TMEM132D: variants seen among roughly 807,000 people sequenced by gnomAD.
The protein encoded by TMEM132D is mature OL transmembrane protein.
A neutral mutation model predicts 62.3 loss-of-function variants in TMEM132D; 21 were observed. That is an observed-to-expected ratio of 0.34 (90% CI 0.24 to 0.49). TMEM132D has a LOEUF of 0.49. Ranked by LOEUF, TMEM132D falls within the 20% of genes least tolerant of loss-of-function variation. The probability of loss-of-function intolerance (pLI) is 0.99; values close to 1 mark genes in which losing one functional copy is unlikely to be tolerated. For synonymous variants in TMEM132D, 621 were observed against 575.6 expected (o/e 1.08, Z -1.13); for missense variants, 1,346 against 1,402.8 (o/e 0.96, Z 0.65).
chr12:129,798,236 G>A (rs143267684), intron 1 of TMEM132D, among the ~76,000 whole-genome samples: 69 of 152,160 alleles, frequency 4.5e-4, no homozygotes, highest in Admixed American at 1.7e-3. Context: ...ATAAATTATC[G>A]TCTAGGTACT....
chr12:129,545,573 T>C (rs1225828863), intron 2 of TMEM132D, among the ~76,000 whole-genome samples: 1 of 152,158 alleles, frequency 6.6e-6, no homozygotes, highest in Admixed American at 6.5e-5. Context: ...AGCTTATGCG[T>C]CTTGCATAAC....
chr12:129,382,562 T>G (rs1237729098), intron 3 of TMEM132D, among the ~76,000 whole-genome samples: 1 of 152,082 alleles, frequency 6.6e-6, no homozygotes, highest in Admixed American at 6.6e-5. Flanking sequence ...CACCATACAG[T>G]CCTAAATCTC....
chr12:129,409,854 A>G (rs1056114075), intron 3 of TMEM132D, among the ~76,000 whole-genome samples: 6 of 152,232 alleles, frequency 3.9e-5, no homozygotes, highest in African/African-American at 1.4e-4. Context: ...TCATGCTTGC[A>G]TGAGAAAGCT....
intron 4 of TMEM132D, among the ~76,000 whole-genome samples, chr12:129,218,665 CA>C (rs1265970710): frequency 6.6e-6 from 1 of 152,180 alleles, no homozygotes; most frequent in African/African-American, 2.4e-5. Context: ...GTGATTAGAT[CA>C]AAGTATATTG....
intron 5 of TMEM132D, among the ~76,000 whole-genome samples, chr12:129,147,411 A>G (rs1876943563): frequency 6.6e-6 from 1 of 151,858 alleles, no homozygotes; most frequent in Admixed American, 6.6e-5. Flanking sequence ...GAGCATAAAA[A>G]TCCTCTTATG....
chr12:129,638,495 A>T (rs1156596391), intron 2 of TMEM132D, among the ~76,000 whole-genome samples: 1 of 108,808 alleles, frequency 9.2e-6, no homozygotes, highest in Admixed American at 1.0e-4. Context: ...GATTTTTTAT[A>T]TATATAAACA....
At chr12:129,719,480 C>T (rs1291773079) in intron 1 of TMEM132D, among the ~76,000 whole-genome samples, 2 of 152,328 alleles carry the variant, frequency 1.3e-5, no homozygotes, top group East Asian at 1.9e-4. Context: ...TCAGTAGCTC[C>T]TGTCTATAAA....
At chr12:129,385,343 T>A (rs2135690038) in intron 3 of TMEM132D, among the ~76,000 whole-genome samples, 1 of 152,156 alleles carries the variant, frequency 6.6e-6, no homozygotes, top group South Asian at 2.1e-4. Flanking sequence ...TGACCCCAGG[T>A]GATCCGCCCA....
intron 1 of TMEM132D, among the ~76,000 whole-genome samples, chr12:129,860,375 T>C (rs1445179138): frequency 1.3e-5 from 2 of 152,224 alleles, no homozygotes; most frequent in African/African-American, 4.8e-5. Context: ...ATTTAGATGT[T>C]AACTTGGAGT....
At chr12:129,727,915 C>T (rs901642945) in intron 1 of TMEM132D, among the ~76,000 whole-genome samples, 3 of 152,178 alleles carry the variant, frequency 2.0e-5, no homozygotes, top group Admixed American at 6.5e-5. Context: ...ACCCTGCATA[C>T]GTTTATACAA....
chr12:129,362,034 A>C lies in TMEM132D; in HGVS notation c.1116-24217T>G, dbSNP rs536424731. On this transcript the variant is annotated intron_variant, in intron 3 of 8. Coordinates refer to ENST00000422113, the MANE Select transcript of TMEM132D (RefSeq NM_133448.3). ...TATTTTTCTGAGAGGTTGCTTCTCC[A>C]ACGCAATCCATACTGGTTTCACTTA... 4.6e-5 allele frequency among the ~76,000 whole-genome samples: 7 copies of C among 152,358 alleles called. No individual in the cohort carries two copies. In the South Asian group the frequency reaches 6.2e-4, roughly 14 times the overall value.
intron 4 of TMEM132D, among the ~76,000 whole-genome samples, chr12:129,234,393 C>T (rs776942486): frequency 3.3e-5 from 5 of 152,212 alleles, no homozygotes; most frequent in Non-Finnish European, 5.9e-5. Context: ...TTGTAGGCTC[C>T]GTAGCAACTG....
chr12:129,531,312 G>A, intron 2 of TMEM132D, 107 bp from the exon 3 acceptor site: 2 of 1,330,140 alleles, frequency 1.5e-6, no homozygotes, highest in Middle Eastern at 2.8e-4. Flanking sequence ...CCTGGCAGGT[G>A]TAAGCTCATG....
chr12:129,713,575 A>T (rs556622056), intron 1 of TMEM132D, among the ~76,000 whole-genome samples: 2 of 152,218 alleles, frequency 1.3e-5, no homozygotes, highest in African/African-American at 4.8e-5. Flanking sequence ...TCTCATCCTC[A>T]CCTTGTGTGT....
chr12:129,572,024 G>A (rs907836997), intron 2 of TMEM132D, among the ~76,000 whole-genome samples: 2 of 152,146 alleles, frequency 1.3e-5, no homozygotes, highest in Admixed American at 1.3e-4. Context: ...CTATCAAGAG[G>A]TGACCTCATC....
chr12:129,446,904 A>T (rs1290545026), intron 3 of TMEM132D, among the ~76,000 whole-genome samples: 3 of 152,196 alleles, frequency 2.0e-5, no homozygotes, highest in African/African-American at 7.2e-5. Flanking sequence ...GTCTTTAGGA[A>T]ATAAATGCTT....
chr12:129,473,346 T>TTTA (rs58495892), intron 3 of TMEM132D, among the ~76,000 whole-genome samples: 1 of 145,540 alleles, frequency 6.9e-6, no homozygotes, highest in Non-Finnish European at 1.5e-5. Flanking sequence ...TTTTTTTTTT[T>TTTA]GAGACCAAGT....
intron 4 of TMEM132D, among the ~76,000 whole-genome samples, chr12:129,222,426 T>G (rs1002925721): frequency 6.6e-6 from 1 of 152,238 alleles, no homozygotes; most frequent in Non-Finnish European, 1.5e-5. Flanking sequence ...TGTTTTCAAC[T>G]CTTCTATGTT....
At chr12:129,728,240 C>T (rs1869107707) in intron 1 of TMEM132D, among the ~76,000 whole-genome samples, 1 of 152,190 alleles carries the variant, frequency 6.6e-6, no homozygotes, top group African/African-American at 2.4e-5. Flanking sequence ...TCCATCAGCA[C>T]AGAAAGTTCC....
Sources: allele counts gnomAD v4.1 joint callset (sites outside exome capture counted in the v4.1 genomes callset), GRCh38; gene constraint gnomAD v4.1.1; transcripts MANE v1.5; gene names NCBI Gene and HGNC (gene_info 2026-07-23, HGNC 2026-07-21).